The following CD226 variants were observed in gnomAD, a reference collection of about 807,000 sequenced individuals.
The protein encoded by CD226 is CD226 antigen.
Under a neutral mutation model 34.9 loss-of-function variants are expected in CD226, and 24 were observed. That is an observed-to-expected ratio of 0.69 (90% CI 0.50 to 0.97). CD226 has a LOEUF of 0.97. CD226 is among the 50% of genes least tolerant of loss of function. The pLI is 0.00. For missense variants in CD226, 397 were observed against 412.7 expected, an observed-to-expected ratio of 0.96 and a Z score of 0.33; for synonymous variants, 148 against 147.4, an observed-to-expected ratio of 1.00 and a Z score of -0.03.
intron 2 of CD226, among the ~76,000 whole-genome samples, chr18:69,898,318 TTTC>T (rs1985418090): frequency 1.3e-5 from 2 of 152,146 alleles, no homozygotes; most frequent in South Asian, 2.1e-4. Flanking sequence ...GTTTTGTGTT[TTTC>T]TTCTTCTTCT....
chr18:69,864,557 A>C, intron 5 of CD226, 118 bp from the exon 6 acceptor site: 1 of 965,564 alleles, frequency 1.0e-6, no homozygotes, highest in Non-Finnish European at 1.5e-6. Flanking sequence ...TTCCATTATA[A>C]TTAATTTGAT....
At chr18:69,943,274 T>C (rs1431256681) in intron 2 of CD226, among the ~76,000 whole-genome samples, 4 of 152,220 alleles carry the variant, frequency 2.6e-5, no homozygotes, top group Non-Finnish European at 5.9e-5. Context: ...AATGCAACTA[T>C]ATTTGCTTTA....
At chr18:69,864,949 A>C (rs1479358469) in intron 5 of CD226, among the ~76,000 whole-genome samples, 1 of 152,212 alleles carries the variant, frequency 6.6e-6, no homozygotes, top group Non-Finnish European at 1.5e-5. Context: ...AAGAAACTAG[A>C]GAAAGGTCTT....
In CD226 at chr18:69,927,120, G is replaced by T. The variant is rs546781182; in HGVS notation, c.382+19614C>A. Among the ~76,000 whole-genome samples, 3 of 152,242 alleles carry T rather than the reference G, an allele frequency of 2.0e-5. No individual in the cohort carries two copies. The South Asian group carries it at 6.2e-4, about 32-fold the overall frequency. On this transcript the variant is annotated intron_variant, in intron 2 of 5. Transcript: ENST00000582621. ...TAAGTCTTGAGAATTCTGCTTTCATGAATGTGATTAGTGCCCTTCAGAAAG... is the reference window on the plus strand; with the variant it reads ...TAAGTCTTGAGAATTCTGCTTTCATTAATGTGATTAGTGCCCTTCAGAAAG...
intron 3 of CD226, among the ~76,000 whole-genome samples, chr18:69,888,416 C>CTT (rs397771802): frequency 0.01 from 1,254 of 124,890 alleles, 13 homozygotes; most frequent in South Asian, 0.027. Flanking sequence ...TTTCCTTTCT[C>CTT]TTTTTTTTTT....
chr18:69,890,128 G>A (rs1420171222), intron 3 of CD226, among the ~76,000 whole-genome samples: 1 of 152,126 alleles, frequency 6.6e-6, no homozygotes, highest in African/African-American at 2.4e-5. Context: ...AAGAAAAGAG[G>A]TAGAAAACTT....
chr18:69,878,254 TAGG>T (rs1178424830), intron 3 of CD226, among the ~76,000 whole-genome samples: 2 of 151,324 alleles, frequency 1.3e-5, no homozygotes, highest in African/African-American at 4.9e-5. Flanking sequence ...TGTTGATTCA[TAGG>T]AGGAGAAGTG....
chr18:69,923,152 AAGAAAGAG>A (rs1334989561), intron 2 of CD226, among the ~76,000 whole-genome samples: 2 of 151,836 alleles, frequency 1.3e-5, no homozygotes, highest in African/African-American at 4.8e-5. Context: ...AGAAGAAAGA[AAGAAAGAG>A]AGAAAGAGAA....
At chr18:69,955,649 G>T (rs1024324234) in intron 1 of CD226, among the ~76,000 whole-genome samples, 1 of 152,072 alleles carries the variant, frequency 6.6e-6, no homozygotes, top group Admixed American at 6.5e-5. Flanking sequence ...GGATCATGAG[G>T]TCAGGAGATC....
intron 3 of CD226, among the ~76,000 whole-genome samples, chr18:69,894,221 T>TA (rs545543975): frequency 2.1e-4 from 30 of 142,174 alleles, no homozygotes; most frequent in African/African-American, 2.9e-4. Context: ...CTTCTGTAAA[T>TA]AAAAAAAAAA....
chr18:69,950,259 GTCTCTC>G (rs541981361), upstream of CD226, among the ~76,000 whole-genome samples: 2 of 150,952 alleles, frequency 1.3e-5, no homozygotes, highest in Non-Finnish European at 3.0e-5. Flanking sequence ...CACACACTCT[GTCTCTC>G]TCTCTCTCTC....
intron 2 of CD226, among the ~76,000 whole-genome samples, chr18:69,901,966 T>C (rs1321951877): frequency 6.6e-6 from 1 of 152,098 alleles, no homozygotes; most frequent in Non-Finnish European, 1.5e-5. Context: ...TGAAAGGTAC[T>C]TCACACACCC....
upstream of CD226, among the ~76,000 whole-genome samples, chr18:69,958,796 C>G (rs1045483277): frequency 8.4e-6 from 1 of 118,694 alleles, no homozygotes; most frequent in Non-Finnish European, 1.8e-5. Context: ...CAAACACACA[C>G]ACACACACAC....
chr18:69,897,828 C>T (rs1048568881), intron 2 of CD226, among the ~76,000 whole-genome samples: 30 of 152,238 alleles, frequency 2.0e-4, no homozygotes, highest in African/African-American at 5.3e-4. Context: ...TAGTTTCAGC[C>T]GCACCAAAAA....
At chr18:69,946,522 C>A (rs909611885) in intron 2 of CD226, among the ~76,000 whole-genome samples, 2 of 152,128 alleles carry the variant, frequency 1.3e-5, no homozygotes, top group African/African-American at 4.8e-5. Flanking sequence ...TTGAAAGGCA[C>A]TTCTACTCGG....
chr18:69,934,520 C>T lies in CD226; in HGVS notation c.382+12214G>A, dbSNP rs117615599. Among the ~76,000 whole-genome samples, 857 of 152,234 alleles carry T rather than the reference C, an allele frequency of 5.6e-3. 7 individuals carry two copies. The highest frequency in any genetic ancestry group is 0.024 in the Middle Eastern group (7 of 294). On this transcript the variant is annotated intron_variant, in intron 2 of 5. Coordinates refer to ENST00000582621, the MANE Select transcript of CD226 (RefSeq NM_001303618.2). ...GCCCAGATTTTATTCTGTTTGGCCA[C>T]GGTCACCACTGTGTGCAGATATGAT...
intron 2 of CD226, among the ~76,000 whole-genome samples, chr18:69,921,535 T>C (rs1301766122): frequency 1.3e-5 from 2 of 152,126 alleles, no homozygotes; most frequent in Non-Finnish European, 2.9e-5. Context: ...TCTTTTAACC[T>C]TCCTACCCAA....
rs919072826 is a variant in CD226, at chr18:69,861,562, A to ATATATATATATATATATG, written c.*2751_*2752insCATATATATATATATATA. 2.7e-5 allele frequency: 4 copies of ATATATATATATATATATG among 145,536 alleles called. No homozygotes were observed. Among genetic ancestry groups the ATATATATATATATATATG allele is most frequent in the Admixed American group, 1.4e-4 (2 of 14,484 alleles). The allele number at this position is 145,536 out of a possible 1,614,324, so 9.0% of individuals were successfully genotyped here. ...TATGTGTATATATATATGTATATAT[A>ATATATATATATATATATG]TATATATATATGTAAAACTTAAGAA... On this transcript the variant is annotated 3_prime_UTR_variant, in exon 6 of 6. Transcript: ENST00000582621.
chr18:69,901,689 C>T lies in CD226; in HGVS notation c.383-5644G>A, dbSNP rs535545326. Among the ~76,000 whole-genome samples the T allele has an allele frequency of 3.0e-3, 458 of 152,164 alleles. 3 individuals carry two copies. The highest frequency in any genetic ancestry group is 9.0e-3 in the African/African-American group (374 of 41,502). Reference sequence around the variant, plus strand: ...GGTCAGGAGATCAAGACCATCCTGGCTAACATGGTGAAACCCCGTCTCTAC... The same window carrying T: ...GGTCAGGAGATCAAGACCATCCTGGTTAACATGGTGAAACCCCGTCTCTAC... On this transcript the variant is annotated intron_variant, in intron 2 of 5. Coordinates refer to ENST00000582621, the MANE Select transcript of CD226 (RefSeq NM_001303618.2).
Sources: gnomAD v4.1 joint callset for allele counts (sites outside exome capture counted in the v4.1 genomes callset) on GRCh38, gnomAD v4.1.1 for gene constraint, MANE v1.5 for transcripts, NCBI Gene and HGNC (gene_info 2026-07-23, HGNC 2026-07-21) for gene names.